PRTG: variants seen among roughly 807,000 people sequenced by gnomAD.
PRTG encodes the protein immunoglobulin superfamily, DCC subclass, member 5.
In PRTG, 67 loss-of-function variants were observed where a neutral mutation model predicts 122.5. The ratio of observed to expected loss-of-function variants is 0.55; its 90% CI spans 0.45 to 0.67. The LOEUF (loss-of-function observed/expected upper bound fraction) is 0.67. Among genes scored for constraint, PRTG ranks in the 30% least tolerant of loss-of-function variants. The probability of loss-of-function intolerance (pLI) is 0.00; values close to 1 mark genes in which losing one functional copy is unlikely to be tolerated. For missense variants in PRTG, 1,435 were observed against 1,415.4 expected (o/e 1.01, Z -0.22); for synonymous variants, 554 against 501.1 (o/e 1.11, Z -1.41).
rs1166507591 is a variant in PRTG, at chr15:55,613,409, G to C, written c.*6603C>G. The C allele has an allele frequency of 6.6e-6, 1 of 152,114 alleles. No individual in the cohort carries two copies. The highest frequency in any genetic ancestry group is 2.4e-5 in the African/African-American group (1 of 41,446). The allele number at this position is 152,114 out of a possible 1,614,324, so 9.4% of individuals were successfully genotyped here. On this transcript the variant is annotated 3_prime_UTR_variant, in exon 20 of 20. Transcript: ENST00000389286. ...ATTACAAAAGATAAAATGCAATTCT[G>C]AAGACATTGTCGAATAAGGAAATGC... is the stretch of plus-strand genomic sequence containing the variant.
intron 2 of PRTG, among the ~76,000 whole-genome samples, chr15:55,724,090 G>A (rs2141873002): frequency 6.6e-6 from 1 of 152,224 alleles, no homozygotes; most frequent in Non-Finnish European, 1.5e-5. Flanking sequence ...TTGTTTTGTG[G>A]CCCAACATGT....
chr15:55,672,990 C>T (rs1261973679), intron 10 of PRTG, among the ~76,000 whole-genome samples: 1 of 152,050 alleles, frequency 6.6e-6, no homozygotes, highest in Non-Finnish European at 1.5e-5. Flanking sequence ...TTACATTCCA[C>T]GTTAGTAAAA....
intron 2 of PRTG, among the ~76,000 whole-genome samples, chr15:55,736,622 T>C (rs1216591045): frequency 6.6e-6 from 1 of 152,106 alleles, no homozygotes; most frequent in African/African-American, 2.4e-5. Flanking sequence ...TAAAAAGTTA[T>C]AGAAATGCAC....
In PRTG at chr15:55,677,920, TG is replaced by T; in HGVS notation, c.1257del (p.Ser420ValfsTer18). ...TCAGCATGTACATTATAGGGAGCACTGGGTCTGTCTTCTGACATCACTACAG... is the reference window on the plus strand; with the variant it reads ...TCAGCATGTACATTATAGGGAGCACTGGTCTGTCTTCTGACATCACTACAG... Reference protein sequence around the residue: ...RLTVVMSEDRPSAPYNVHAET... With the variant: ...RLTVVMSEDRXSAPYNVHAET... On this transcript the variant is annotated frameshift_variant, in exon 8 of 20. Coordinates refer to ENST00000389286, the MANE Select transcript of PRTG (RefSeq NM_173814.6). LOFTEE classifies it high-confidence loss of function. The T allele has an allele frequency of 1.9e-6, 3 of 1,614,012 alleles. No individual in the cohort carries two copies. Among genetic ancestry groups the T allele is most frequent in the Non-Finnish European group, 2.5e-6 (3 of 1,179,908 alleles).
At chr15:55,729,260 C>T (rs2031147447) in intron 2 of PRTG, among the ~76,000 whole-genome samples, 1 of 152,134 alleles carries the variant, frequency 6.6e-6, no homozygotes, top group Admixed American at 6.5e-5. Context: ...TGTAGGAAGA[C>T]AATCACAAAG....
chr15:55,662,571 T>A (rs1242712807), intron 11 of PRTG, among the ~76,000 whole-genome samples: 5 of 152,174 alleles, frequency 3.3e-5, no homozygotes, highest in Non-Finnish European at 7.4e-5. Flanking sequence ...CTGATAGATG[T>A]TTAGAATTTC....
At position 55,614,198 on chromosome 15, in the gene PRTG, T is replaced by G. The variant is rs909458205; in HGVS notation, c.*5814A>C. ...GGCCAGACTTGCGATGATCCAGAAA[T>G]TAGAAGAAACTAGAGCTTTGAGAAC... On this transcript the variant is annotated 3_prime_UTR_variant, in exon 20 of 20. Transcript: ENST00000389286. The G allele has an allele frequency of 5.9e-5, 9 of 151,968 alleles. No homozygotes were observed. The highest frequency in any genetic ancestry group is 2.2e-4 in the African/African-American group (9 of 41,376). The allele number at this position is 151,968 out of a possible 1,614,324, so 9.4% of individuals were successfully genotyped here.
intron 2 of PRTG, among the ~76,000 whole-genome samples, chr15:55,691,113 G>A (rs1485701504): frequency 6.6e-6 from 1 of 152,008 alleles, no homozygotes; most frequent in East Asian, 1.9e-4. Flanking sequence ...TGGCCAACGT[G>A]ATGAAACCCC....
chr15:55,656,725 G>T (rs1232617778), intron 11 of PRTG, among the ~76,000 whole-genome samples: 2 of 152,170 alleles, frequency 1.3e-5, no homozygotes, highest in Non-Finnish European at 2.9e-5. Context: ...AGCCAGGATG[G>T]TCTCGATCTC....
intron 16 of PRTG, among the ~76,000 whole-genome samples, chr15:55,627,395 C>T (rs1300753977): frequency 6.7e-6 from 1 of 149,682 alleles, no homozygotes; most frequent in East Asian, 2.0e-4. Context: ...GCAATCTCAG[C>T]TCACTGCAAG....
At chr15:55,723,757 T>TC (rs1308577013) in intron 2 of PRTG, among the ~76,000 whole-genome samples, 5 of 141,576 alleles carry the variant, frequency 3.5e-5, no homozygotes, top group Admixed American at 6.9e-5. Context: ...TTTTTCTTTT[T>TC]TTTTTTTTTT....
At chr15:55,673,703 T>C (rs767520357) in intron 9 of PRTG, 27 bp from the exon 10 acceptor site, 2 of 1,582,992 alleles carry the variant, frequency 1.3e-6, no homozygotes, top group African/African-American at 1.3e-5. Context: ...TCAGGTTGTT[T>C]ATAAATATTT....
chr15:55,661,920 T>A (rs7162504), intron 11 of PRTG, among the ~76,000 whole-genome samples: 13,982 of 150,862 alleles, frequency 0.093, 701 homozygotes, highest in Non-Finnish European at 0.11. Flanking sequence ...GAGGAGTAGC[T>A]GTGTATCATT....
intron 13 of PRTG, 85 bp from the exon 14 acceptor site, chr15:55,638,761 G>T: frequency 8.4e-7 from 1 of 1,188,368 alleles, no homozygotes; most frequent in Non-Finnish European, 1.2e-6. Context: ...ATAGGTAAGG[G>T]CATAATGTTA....
chr15:55,637,507 T>G (rs943167068), intron 14 of PRTG, among the ~76,000 whole-genome samples, 167 bp from the exon 15 acceptor site: 1 of 152,230 alleles, frequency 6.6e-6, no homozygotes, highest in Non-Finnish European at 1.5e-5. Context: ...ATTTTTCTTC[T>G]TGTATTTTCA....
At position 55,678,028 on chromosome 15, in the gene PRTG, G is replaced by A; in HGVS notation, c.1150C>T (p.Gln384Ter). 2.5e-6 allele frequency: 4 copies of A among 1,583,282 alleles called. No homozygotes were observed. The highest frequency in any genetic ancestry group is 1.7e-4 in the Middle Eastern group (1 of 5,986). The part of the protein sequence containing the change: ...KMYNSKLVIN[Q>*]IIPEDDAIYQ... ...ATAGCATCATCTTCAGGAATAATCTGGTTAATTACCAATTTACTAGGGAAA... is the reference window on the plus strand; with the variant it reads ...ATAGCATCATCTTCAGGAATAATCTAGTTAATTACCAATTTACTAGGGAAA... The change falls in exon 8 of 20, where the codon CAG becomes TAG. Residue 384 changes from glutamine (Q) to a stop codon, truncating the protein, a stop_gained. Coordinates refer to ENST00000389286, the MANE Select transcript of PRTG (RefSeq NM_173814.6). LOFTEE classifies it high-confidence loss of function.
At chr15:55,638,414 G>C (rs1196918201) in intron 14 of PRTG, 135 bp downstream of exon 14, 2 of 582,548 alleles carry the variant, frequency 3.4e-6, no homozygotes, top group African/African-American at 2.0e-5. Flanking sequence ...GCCAAAAAAT[G>C]AAACAAAACA....
At chr15:55,718,657 G>T (rs1214260897) in intron 2 of PRTG, among the ~76,000 whole-genome samples, 1 of 151,086 alleles carries the variant, frequency 6.6e-6, no homozygotes, top group Non-Finnish European at 1.5e-5. Context: ...TAAAAATCAT[G>T]CAAGTTTTTA....
At chr15:55,637,709 A>T (rs2141731400) in intron 14 of PRTG, among the ~76,000 whole-genome samples, 1 of 152,188 alleles carries the variant, frequency 6.6e-6, no homozygotes, top group South Asian at 2.1e-4. Context: ...CATGTATAGA[A>T]CATCAACTTA....
Sources: gnomAD v4.1 joint callset for allele counts (sites outside exome capture counted in the v4.1 genomes callset) on GRCh38, gnomAD v4.1.1 for gene constraint, MANE v1.5 for transcripts, NCBI Gene and HGNC (gene_info 2026-07-23, HGNC 2026-07-21) for gene names.